CDKAL1: variants seen among roughly 807,000 people sequenced by gnomAD.
The protein encoded by CDKAL1 is CDKAL1 threonylcarbamoyladenosine tRNA methylthiotransferase.
CDKAL1 carries 32 observed loss-of-function variants against 68.2 expected under a neutral mutation model. The observed-to-expected ratio is 0.47, with a 90% confidence interval of 0.35 to 0.63. The LOEUF (loss-of-function observed/expected upper bound fraction) is 0.63, where lower values mean the gene tolerates loss of function less well. CDKAL1 is among the 30% of genes least tolerant of loss of function. The pLI, the probability that CDKAL1 is intolerant of heterozygous loss-of-function variation, is 0.00. For synonymous variants in CDKAL1, 234 were observed against 244.3 expected (o/e 0.96, Z 0.39); for missense variants, 606 against 696.7 (o/e 0.87, Z 1.47).
chr6:20,720,177 T>C (rs981007488), intron 5 of CDKAL1, among the ~76,000 whole-genome samples: 1 of 152,096 alleles, frequency 6.6e-6, no homozygotes, highest in African/African-American at 2.4e-5. Context: ...TGTGGTGGCT[T>C]TAAGTCATTT....
chr6:20,751,101 G>T (rs1291487283), intron 6 of CDKAL1, among the ~76,000 whole-genome samples: 1 of 151,840 alleles, frequency 6.6e-6, no homozygotes, highest in Non-Finnish European at 1.5e-5. Context: ...AATGTTAGCT[G>T]TCACTGTGTT....
rs965808898 is a variant in CDKAL1, at chr6:20,689,348, A to G, written c.371+39971A>G. ...CAGCAATACATAAATTACAGTTTAG[A>G]TTTTCCTACCCTAACACTCGTTCCC... On this transcript the variant is annotated intron_variant, in intron 5 of 15. Transcript: ENST00000274695. Among the ~76,000 whole-genome samples, 6 of 152,228 alleles carry G rather than the reference A, an allele frequency of 3.9e-5. No individual in the cohort carries two copies. The East Asian group carries it at 1.2e-3, about 29-fold the overall frequency.
chr6:20,909,626 C>T (rs115023227), intron 9 of CDKAL1, among the ~76,000 whole-genome samples: 1,668 of 152,268 alleles, frequency 0.011, 24 homozygotes, highest in African/African-American at 0.037. Context: ...GCGTTGGAAA[C>T]ATATTTCAAT....
chr6:21,042,820 ACCT>A (rs1224822415), intron 11 of CDKAL1, among the ~76,000 whole-genome samples: 6 of 151,958 alleles, frequency 3.9e-5, no homozygotes, highest in Admixed American at 2.6e-4. Context: ...GCTGGTCCTA[ACCT>A]CCTTGTTAGC....
chr6:21,080,607 C>G (rs772480570), intron 12 of CDKAL1, among the ~76,000 whole-genome samples: 3 of 152,198 alleles, frequency 2.0e-5, no homozygotes, highest in African/African-American at 7.2e-5. Context: ...TATCACTGTT[C>G]CCCCTAATTT....
chr6:21,122,299 G>A (rs1774762968), intron 13 of CDKAL1, among the ~76,000 whole-genome samples: 1 of 152,196 alleles, frequency 6.6e-6, no homozygotes, highest in Admixed American at 6.5e-5. Flanking sequence ...TTCCACTACA[G>A]AAAGTATAAA....
intron 8 of CDKAL1, among the ~76,000 whole-genome samples, chr6:20,805,156 G>GA (rs780093981): frequency 1.3e-5 from 2 of 152,206 alleles, no homozygotes; most frequent in Non-Finnish European, 2.9e-5. Context: ...GGCTTCTCCT[G>GA]AGAGGTAAAG....
intron 8 of CDKAL1, among the ~76,000 whole-genome samples, chr6:20,839,635 G>T (rs1336181817): frequency 6.6e-6 from 1 of 152,084 alleles, no homozygotes; most frequent in African/African-American, 2.4e-5. Flanking sequence ...AGGGTCCCTT[G>T]TCTTACAGCT....
chr6:21,167,902 T>C (rs1013197091), intron 13 of CDKAL1, among the ~76,000 whole-genome samples: 3 of 152,218 alleles, frequency 2.0e-5, no homozygotes, highest in Admixed American at 2.0e-4. Flanking sequence ...GCAGATGTCT[T>C]CAGAAGCCCT....
chr6:20,795,657 A>T (rs1236244970), intron 8 of CDKAL1, among the ~76,000 whole-genome samples: 1 of 152,178 alleles, frequency 6.6e-6, no homozygotes, highest in Non-Finnish European at 1.5e-5. Flanking sequence ...CATAGACTTA[A>T]TTTTTACTAA....
intron 13 of CDKAL1, among the ~76,000 whole-genome samples, chr6:21,147,391 T>C (rs935544337): frequency 5.3e-5 from 8 of 152,100 alleles, no homozygotes; most frequent in African/African-American, 1.7e-4. Context: ...GATTGGCAAA[T>C]AGAATATGAT....
chr6:20,805,983 GTCTTAT>G (rs1776556038), intron 8 of CDKAL1, among the ~76,000 whole-genome samples: 2 of 152,260 alleles, frequency 1.3e-5, no homozygotes, highest in South Asian at 4.1e-4. Flanking sequence ...GTTTTTTGGG[GTCTTAT>G]TCTTTTTTAA....
At chr6:20,825,257 A>ATATTTTATATG (rs1486653447) in intron 8 of CDKAL1, among the ~76,000 whole-genome samples, 2 of 151,976 alleles carry the variant, frequency 1.3e-5, no homozygotes, top group African/African-American at 4.8e-5. Context: ...TTCCCCATAT[A>ATATTTTATATG]TATTTTATAT....
At chr6:20,713,687 A>G (rs1239930813) in intron 5 of CDKAL1, among the ~76,000 whole-genome samples, 1 of 152,118 alleles carries the variant, frequency 6.6e-6, no homozygotes, top group South Asian at 2.1e-4. Context: ...TTGACTTAAA[A>G]TTTTTCTTTT....
intron 6 of CDKAL1, among the ~76,000 whole-genome samples, chr6:20,758,374 A>G (rs1000704017): frequency 3.9e-5 from 6 of 152,216 alleles, no homozygotes; most frequent in African/African-American, 4.8e-5. Flanking sequence ...GCAATATGAT[A>G]TCTTCAGTTA....
chr6:21,149,075 C>T (rs1776296184), intron 13 of CDKAL1, among the ~76,000 whole-genome samples: 1 of 152,058 alleles, frequency 6.6e-6, no homozygotes. Context: ...CCTCAAGAAG[C>T]TTACTGTCAG....
At chr6:20,785,524 G>A (rs528028725) in intron 8 of CDKAL1, among the ~76,000 whole-genome samples, 1 of 151,990 alleles carries the variant, frequency 6.6e-6, no homozygotes, top group East Asian at 1.9e-4. Flanking sequence ...TATTGGCCAG[G>A]CTGGTCTCGA....
intron 4 of CDKAL1, among the ~76,000 whole-genome samples, chr6:20,608,146 G>A (rs1766414866): frequency 6.6e-6 from 1 of 152,144 alleles, no homozygotes; most frequent in African/African-American, 2.4e-5. Flanking sequence ...GAAGTTTAGT[G>A]TCTGTCATAT....
At chr6:21,028,652 T>A (rs1295654202) in intron 11 of CDKAL1, among the ~76,000 whole-genome samples, 2 of 152,142 alleles carry the variant, frequency 1.3e-5, no homozygotes, top group East Asian at 3.9e-4. Context: ...AGGTGCTATC[T>A]CCAAATACAG....
Sources: gnomAD v4.1 joint callset for allele counts (sites outside exome capture counted in the v4.1 genomes callset) on GRCh38, gnomAD v4.1.1 for gene constraint, MANE v1.5 for transcripts, NCBI Gene and HGNC (gene_info 2026-07-23, HGNC 2026-07-21) for gene names.